GOLGA4: variants seen among roughly 807,000 people sequenced by gnomAD.
The protein encoded by GOLGA4 is golgin A4, also known as golgin subfamily A member 4.
Under a neutral mutation model 265.9 loss-of-function variants are expected in GOLGA4, and 169 were observed. That is an observed-to-expected ratio of 0.64 (90% CI 0.56 to 0.72). GOLGA4 has a LOEUF of 0.72. Ranked by LOEUF, GOLGA4 falls within the 30% of genes least tolerant of loss-of-function variation. The probability of loss-of-function intolerance (pLI) is 0.00; values close to 1 mark genes in which losing one functional copy is unlikely to be tolerated. For synonymous variants in GOLGA4, 923 were observed against 855.8 expected (o/e 1.08, Z -1.37); for missense variants, 2,482 against 2,483.4 (o/e 1.00, Z 0.01).
chr3:37,349,440 G>A (rs542384862), intron 21 of GOLGA4, among the ~76,000 whole-genome samples: 12 of 152,138 alleles, frequency 7.9e-5, no homozygotes, highest in Non-Finnish European at 1.5e-4. Flanking sequence ...AGCCCAGATG[G>A]TGGAGGGGTA....
At chr3:37,301,666 C>T (rs892437761) in intron 9 of GOLGA4, among the ~76,000 whole-genome samples, 6 of 152,096 alleles carry the variant, frequency 3.9e-5, no homozygotes, top group African/African-American at 1.4e-4. Context: ...GTAAAAAATA[C>T]TGTTATGCTA....
intron 23 of GOLGA4, among the ~76,000 whole-genome samples, chr3:37,365,012 C>G (rs184247770): frequency 9.8e-4 from 150 of 152,292 alleles, no homozygotes; most frequent in African/African-American, 3.5e-3. Context: ...CCTCCTGCCT[C>G]AACCTCCTGA....
At chr3:37,323,417 C>T (rs898460639) in intron 13 of GOLGA4, among the ~76,000 whole-genome samples, 171 bp from the exon 14 acceptor site, 1 of 152,116 alleles carries the variant, frequency 6.6e-6, no homozygotes, top group East Asian at 1.9e-4. Flanking sequence ...TTGCCATAAT[C>T]TTTTCTTTGT....
intron 22 of GOLGA4, among the ~76,000 whole-genome samples, chr3:37,357,396 G>A (rs1487281742): frequency 6.6e-6 from 1 of 152,064 alleles, no homozygotes; most frequent in Non-Finnish European, 1.5e-5. Flanking sequence ...TTGACCTTGT[G>A]GAACTTTTAA....
chr3:37,353,802 G>A (rs900431040), intron 21 of GOLGA4, among the ~76,000 whole-genome samples: 2 of 151,858 alleles, frequency 1.3e-5, no homozygotes, highest in East Asian at 3.9e-4. Flanking sequence ...ATGTTTCCCA[G>A]GCTAGTCTCT....
At chr3:37,346,704 T>C (rs2097057596) in intron 20 of GOLGA4, among the ~76,000 whole-genome samples, 2 of 152,220 alleles carry the variant, frequency 1.3e-5, no homozygotes, top group Non-Finnish European at 2.9e-5. Flanking sequence ...GCTTGTTTTC[T>C]ATGTTACAAA....
At position 37,320,436 on chromosome 3, in the gene GOLGA4, G is replaced by A. The variant is rs567614142; in HGVS notation, c.1545+1242G>A. ...CACTCTTAGTTGCATCTGGGGCCCC[G>A]AGAATTTCTAGCAGCAGTGATTCTT... On this transcript the variant is annotated intron_variant, in intron 12 of 23. Coordinates refer to ENST00000361924, the MANE Select transcript of GOLGA4 (RefSeq NM_002078.5). 3.3e-5 allele frequency: 5 copies of A among 152,128 alleles called. No homozygotes were observed. The South Asian group carries it at 8.3e-4, about 25-fold the overall frequency. The allele number at this position is 152,128 out of a possible 1,614,324, so 9.4% of individuals were successfully genotyped here. A position where few individuals can be genotyped will look rare whatever the true frequency, so the allele number is the denominator to read the frequency against.
chr3:37,255,538 T>TTA (rs2096746192), intron 2 of GOLGA4, among the ~76,000 whole-genome samples: 1 of 152,070 alleles, frequency 6.6e-6, no homozygotes, highest in South Asian at 2.1e-4. Context: ...TATACAGTAT[T>TTA]TACCAACACA....
chr3:37,285,904 A>G, intron 3 of GOLGA4, 110 bp from the exon 4 acceptor site: 1 of 609,190 alleles, frequency 1.6e-6, no homozygotes, highest in Admixed American at 2.8e-5. Context: ...TATCCTATTA[A>G]GGACTCTTCT....
At position 37,296,224 on chromosome 3, in the gene GOLGA4, G is replaced by A; in HGVS notation, c.814+5G>A. 1 of 1,613,832 alleles carries A rather than the reference G, an allele frequency of 6.2e-7. No individual in the cohort carries two copies. Among genetic ancestry groups the A allele is most frequent in the South Asian group, 1.1e-5 (1 of 91,060 alleles). ...AAAGTGATGGAGAGCCAGTAGGTAA[G>A]CTTCATTTTGTCAAAAGGTTAATTT... On this transcript the variant is annotated splice_donor_5th_base_variant and intron_variant, in intron 7 of 23. Coordinates refer to ENST00000361924, the MANE Select transcript of GOLGA4 (RefSeq NM_002078.5).
Position 37,298,917 on chromosome 3 carries a change from A to C in GOLGA4, c.899A>C (p.Glu300Ala), listed in dbSNP as rs780149741. The C allele has an allele frequency of 5.0e-6, 8 of 1,613,490 alleles. No homozygotes were observed. The highest frequency in any genetic ancestry group is 3.4e-6 in the Non-Finnish European group (4 of 1,179,530). ...GAGAACCTACTTAAGCGTTGTAAGGAAACAATTCAGTCACATAAGGAACAA... is the reference window on the plus strand; with the variant it reads ...GAGAACCTACTTAAGCGTTGTAAGGCAACAATTCAGTCACATAAGGAACAA... Reference protein sequence around the residue: ...RQENLLKRCKETIQSHKEQCT... With the variant: ...RQENLLKRCKATIQSHKEQCT... The change falls in exon 8 of 24, where the codon GAA (glutamate) becomes GCA (alanine). Residue 300 changes from glutamate (E) to alanine (A), a missense_variant. Coordinates refer to ENST00000361924, the MANE Select transcript of GOLGA4 (RefSeq NM_002078.5).
rs556757750 is a variant in GOLGA4 at position 37,276,581 on chromosome 3, C to T, written c.163-5377C>T. ...TGTTGTCTGTAATGAATGTGGAAAT[C>T]GATGGAAGTTCTGTTGAGTTGGAAG... On this transcript the variant is annotated intron_variant, in intron 2 of 23. Coordinates refer to ENST00000361924, the MANE Select transcript of GOLGA4 (RefSeq NM_002078.5). 261 of 1,589,304 alleles carry T rather than the reference C, an allele frequency of 1.6e-4. No homozygotes were observed. The African/African-American group carries it at 2.4e-3, about 15-fold the overall frequency.
Position 37,306,501 on chromosome 3 carries a change from C to CTGTGTGTG in GOLGA4, c.1234+4205_1234+4212dup, listed in dbSNP as rs35641880. Among the ~76,000 whole-genome samples the CTGTGTGTG allele has an allele frequency of 4.5e-3, 627 of 140,208 alleles. 1 individual carries two copies. The highest frequency in any genetic ancestry group is 0.022 in the Middle Eastern group (6 of 278). 92.0% of individuals were successfully genotyped at this position (140,208 alleles called of 152,430 possible). A position where few individuals can be genotyped will look rare whatever the true frequency, so the allele number is the denominator to read the frequency against. On this transcript the variant is annotated intron_variant, in intron 10 of 23. Coordinates refer to ENST00000361924, the MANE Select transcript of GOLGA4 (RefSeq NM_002078.5). The stretch of plus-strand genomic sequence containing the variant: ...GTTCACACTAGTTCTTGGCTGTTCT[C>CTGTGTGTG]TGTGTGTGTGTGTGTGTGTGTGTGT...
chr3:37,328,518 G>T lies in GOLGA4; in HGVS notation c.6042G>T (p.Met2014Ile), dbSNP rs2096979625. The T allele has an allele frequency of 6.2e-7, 1 of 1,611,378 alleles. No individual in the cohort carries two copies. The highest frequency in any genetic ancestry group is 1.1e-5 in the South Asian group (1 of 90,596). The change falls in exon 15 of 24, where the codon ATG becomes ATT. Residue 2014 changes from methionine to isoleucine, a missense_variant. By Grantham distance (10) the Met-to-Ile change is conservative. Coordinates refer to ENST00000361924, the MANE Select transcript of GOLGA4 (RefSeq NM_002078.5). Reference sequence around the variant, plus strand: ...CACAAAAGGAACAAGAGCTGGAAATGACCATAAAAGAAACTATCAGTAAGT... The same window carrying T: ...CACAAAAGGAACAAGAGCTGGAAATTACCATAAAAGAAACTATCAGTAAGT... The part of the protein sequence containing the change: ...QLAQKEQELE[M>I]TIKETINKAQ...
chr3:37,273,345 T>C (rs1352882384), intron 2 of GOLGA4, among the ~76,000 whole-genome samples: 6 of 152,222 alleles, frequency 3.9e-5, no homozygotes, highest in Non-Finnish European at 2.9e-5. Flanking sequence ...GCAAAATGAA[T>C]TTTCTAAAAT....
chr3:37,301,657 TAAA>T (rs2096893004), intron 9 of GOLGA4, among the ~76,000 whole-genome samples: 2 of 152,366 alleles, frequency 1.3e-5, no homozygotes, highest in African/African-American at 4.8e-5. Flanking sequence ...ATTTTTAATG[TAAA>T]AAATACTGTT....
Position 37,257,938 on chromosome 3 carries a change from TACA to T in GOLGA4, c.162+6455_162+6457del, listed in dbSNP as rs1560279624. Among the ~76,000 whole-genome samples the T allele has an allele frequency of 2.2e-4, 24 of 110,788 alleles. 4 individuals carry two copies. Among genetic ancestry groups the T allele is most frequent in the Admixed American group, 1.2e-3 (12 of 10,358 alleles). The allele number at this position is 110,788 out of a possible 152,430, so 72.7% of individuals were successfully genotyped here. A position where few individuals can be genotyped will look rare whatever the true frequency, so the allele number is the denominator to read the frequency against. On this transcript the variant is annotated intron_variant, in intron 2 of 23. Coordinates refer to ENST00000361924, the MANE Select transcript of GOLGA4 (RefSeq NM_002078.5). The stretch of plus-strand genomic sequence containing the variant: ...ATGTATGTATATATGTATATATACA[TACA>T]TATATATGTATGTATATATGTATAT...
intron 12 of GOLGA4, among the ~76,000 whole-genome samples, chr3:37,320,636 A>C (rs959665958): frequency 6.6e-6 from 1 of 152,254 alleles, no homozygotes; most frequent in Non-Finnish European, 1.5e-5. Flanking sequence ...ACAGTACAAC[A>C]TAAATTAAAA....
chr3:37,252,462 A>C (rs1013011910), intron 2 of GOLGA4, among the ~76,000 whole-genome samples: 6 of 151,992 alleles, frequency 3.9e-5, no homozygotes, highest in Admixed American at 6.6e-5. Context: ...TTTGGTGTAC[A>C]TGTACCTGCA....
Sources: allele counts gnomAD v4.1 joint callset (sites outside exome capture counted in the v4.1 genomes callset), GRCh38; gene constraint gnomAD v4.1.1; transcripts MANE v1.5; gene names NCBI Gene and HGNC (gene_info 2026-07-23, HGNC 2026-07-21).